OTUD7A: variants seen among roughly 807,000 people sequenced by gnomAD.
The protein encoded by OTUD7A is OTU domain-containing protein 7A.
Under a neutral mutation model 65.7 loss-of-function variants are expected in OTUD7A, and 12 were observed. The ratio of observed to expected loss-of-function variants is 0.18; its 90% CI spans 0.12 to 0.30. The LOEUF (loss-of-function observed/expected upper bound fraction) is 0.30, where lower values mean the gene tolerates loss of function less well. Among genes scored for constraint, OTUD7A ranks in the 10% least tolerant of loss-of-function variants. The pLI is 1.00. For missense variants in OTUD7A, 1,148 were observed against 1,304.8 expected (o/e 0.88, Z 1.85); for synonymous variants, 641 against 586.3 (o/e 1.09, Z -1.35).
At chr15:31,490,401 C>A (rs1319062007) in intron 10 of OTUD7A, among the ~76,000 whole-genome samples, 1 of 152,126 alleles carries the variant, frequency 6.6e-6, no homozygotes, top group African/African-American at 2.4e-5. Flanking sequence ...AAAAAAAAAT[C>A]AAGATTTCTG....
intron 1 of OTUD7A, among the ~76,000 whole-genome samples, chr15:31,734,300 A>T (rs1451855948): frequency 1.3e-5 from 2 of 152,248 alleles, no homozygotes; most frequent in Non-Finnish European, 2.9e-5. Flanking sequence ...GGATAGGAAG[A>T]ATCAATATGA....
intron 3 of OTUD7A, among the ~76,000 whole-genome samples, chr15:31,595,007 T>G (rs2141203587): frequency 6.6e-6 from 1 of 152,320 alleles, no homozygotes; most frequent in South Asian, 2.1e-4. Context: ...GTGTGCTGTT[T>G]TAATACTCAG....
chr15:31,789,784 C>T (rs1895766731), intron 1 of OTUD7A, among the ~76,000 whole-genome samples: 1 of 149,756 alleles, frequency 6.7e-6, no homozygotes, highest in Non-Finnish European at 1.5e-5. Flanking sequence ...CTGCTCACTG[C>T]AACCTCCACC....
intron 1 of OTUD7A, among the ~76,000 whole-genome samples, chr15:31,748,569 T>C (rs35780003): frequency 0.012 from 1,780 of 152,152 alleles, 16 homozygotes; most frequent in Non-Finnish European, 0.018. Context: ...AACTTTTCTA[T>C]ACATGTGGAA....
chr15:31,511,075 ATATC>A (rs1278146345), intron 8 of OTUD7A, among the ~76,000 whole-genome samples: 1 of 76,966 alleles, frequency 1.3e-5, no homozygotes, highest in Non-Finnish European at 2.3e-5. Context: ...ATATATATGT[ATATC>A]TATATGTAAC....
intron 3 of OTUD7A, among the ~76,000 whole-genome samples, chr15:31,606,103 C>T (rs1890231274): frequency 6.6e-6 from 1 of 152,246 alleles, no homozygotes; most frequent in Non-Finnish European, 1.5e-5. Context: ...CAGTGATCTG[C>T]ATGTGGCCTC....
intron 3 of OTUD7A, among the ~76,000 whole-genome samples, chr15:31,585,716 C>T (rs566909464): frequency 6.6e-6 from 1 of 152,234 alleles, no homozygotes; most frequent in Admixed American, 6.5e-5. Context: ...AGAAAGAGCC[C>T]CGGCTGTATT....
intron 3 of OTUD7A, among the ~76,000 whole-genome samples, chr15:31,632,173 T>TAA (rs1891186490): frequency 1.3e-5 from 2 of 152,216 alleles, no homozygotes; most frequent in Admixed American, 1.3e-4. Context: ...CTCTGCTTTT[T>TAA]AGTGTTTCCA....
At chr15:31,863,994 A>G (rs1192163200) in intron 1 of OTUD7A, among the ~76,000 whole-genome samples, 1 of 152,164 alleles carries the variant, frequency 6.6e-6, no homozygotes, top group Non-Finnish European at 1.5e-5. Context: ...ATCTCTCTTA[A>G]GTTCAAAGTT....
chr15:31,736,326 T>C (rs1894193001), intron 1 of OTUD7A, among the ~76,000 whole-genome samples: 1 of 152,222 alleles, frequency 6.6e-6, no homozygotes, highest in Non-Finnish European at 1.5e-5. Flanking sequence ...TAGCCACAGC[T>C]TGATAATTAC....
intron 3 of OTUD7A, among the ~76,000 whole-genome samples, chr15:31,623,126 T>G (rs1188886532): frequency 1.3e-5 from 2 of 152,182 alleles, no homozygotes; most frequent in African/African-American, 2.4e-5. Flanking sequence ...CCTCTGGAAG[T>G]TTCGTCTCAG....
chr15:31,753,956 G>C (rs1411352173), intron 1 of OTUD7A, among the ~76,000 whole-genome samples: 1 of 151,762 alleles, frequency 6.6e-6, no homozygotes, highest in Non-Finnish European at 1.5e-5. Flanking sequence ...TTTCCATAGT[G>C]GTTGTATTAG....
chr15:31,835,669 C>T (rs1897037711), intron 1 of OTUD7A, among the ~76,000 whole-genome samples: 1 of 152,142 alleles, frequency 6.6e-6, no homozygotes, highest in African/African-American at 2.4e-5. Flanking sequence ...TACACACATA[C>T]ACATACATAC....
At chr15:31,548,063 C>T (rs1436402327) in intron 5 of OTUD7A, among the ~76,000 whole-genome samples, 9 of 132,940 alleles carry the variant, frequency 6.8e-5, no homozygotes, top group South Asian at 2.5e-4. Flanking sequence ...TTCTTCTGTA[C>T]GTACCATATA....
rs149401218 is a variant in OTUD7A at position 31,672,526 on chromosome 15, C to T, written c.-99-15449G>A. 7.3e-3 allele frequency among the ~76,000 whole-genome samples: 1,107 copies of T among 152,248 alleles called. 11 individuals are homozygous for T. The highest frequency in any genetic ancestry group is 0.025 in the African/African-American group (1,044 of 41,506). ...TTACTGCTTTAAGGGTGAGTTAACT[C>T]TCCTACAGGCAACAATTCCACAGGG... is the stretch of plus-strand genomic sequence containing the variant. On this transcript the variant is annotated intron_variant, in intron 1 of 12. Coordinates refer to ENST00000307050, the MANE Select transcript of OTUD7A (RefSeq NM_001382637.1).
In OTUD7A at chr15:31,511,162, A is replaced by AACAC. The variant is rs1314871403; in HGVS notation, c.894-7345_894-7344insGTGT. The stretch of plus-strand genomic sequence containing the variant: ...AACATACATATGTATATCTATATGT[A>AACAC]ACATACATATGTATATCTATATGTA... On this transcript the variant is annotated intron_variant, in intron 8 of 12. Transcript: ENST00000307050. Among the ~76,000 whole-genome samples, 29 of 13,682 alleles carry AACAC rather than the reference A, an allele frequency of 2.1e-3. 5 individuals carry two copies. The highest frequency in any genetic ancestry group is 2.7e-3 in the Non-Finnish European group (24 of 8,752). The allele number at this position is 13,682 out of a possible 152,430, so 9.0% of individuals were successfully genotyped here.
At chr15:31,739,250 A>G (rs1894273445) in intron 1 of OTUD7A, among the ~76,000 whole-genome samples, 1 of 152,182 alleles carries the variant, frequency 6.6e-6, no homozygotes, top group South Asian at 2.1e-4. Flanking sequence ...GCTTTCTATA[A>G]TGAATGCAAT....
intron 3 of OTUD7A, among the ~76,000 whole-genome samples, chr15:31,592,881 A>AAT (rs1487349464): frequency 0.053 from 2,096 of 39,512 alleles, 101 homozygotes; most frequent in East Asian, 0.09. Flanking sequence ...CTCTGTCTCA[A>AAT]AAAAAAAAAA....
chr15:31,639,927 A>G (rs1891460883), intron 3 of OTUD7A, among the ~76,000 whole-genome samples: 1 of 152,254 alleles, frequency 6.6e-6, no homozygotes, highest in African/African-American at 2.4e-5. Context: ...TTTACCAGAT[A>G]TATGATTTGC....
Sources: gnomAD v4.1 joint callset for allele counts (sites outside exome capture counted in the v4.1 genomes callset) on GRCh38, gnomAD v4.1.1 for gene constraint, MANE v1.5 for transcripts, NCBI Gene and HGNC (gene_info 2026-07-23, HGNC 2026-07-21) for gene names.